Variants in RBM26 observed in about 807,000 individuals in gnomAD.
The protein encoded by RBM26 is RNA binding motif protein 26.
In RBM26, 30 loss-of-function variants were observed where a neutral mutation model predicts 123.6. The ratio of observed to expected loss-of-function variants is 0.24; its 90% CI spans 0.18 to 0.33. The LOEUF is 0.33. Ranked by LOEUF, RBM26 falls within the 10% of genes least tolerant of loss-of-function variation. The pLI, the probability that RBM26 is intolerant of heterozygous loss-of-function variation, is 1.00. For synonymous variants in RBM26, 400 were observed against 404.4 expected (o/e 0.99, Z 0.13); for missense variants, 947 against 1,203.6 (o/e 0.79, Z 3.15).
intron 20 of RBM26, among the ~76,000 whole-genome samples, chr13:79,329,411 A>G (rs1340522856): frequency 1.3e-5 from 2 of 152,056 alleles, no homozygotes; most frequent in African/African-American, 4.8e-5. Flanking sequence ...TAACATACTT[A>G]ATAGTAATGC....
At chr13:79,386,794 C>G (rs1036844850) in intron 1 of RBM26, among the ~76,000 whole-genome samples, 1 of 151,830 alleles carries the variant, frequency 6.6e-6, no homozygotes, top group South Asian at 2.1e-4. Context: ...ACCCATCCCT[C>G]TGGTTACTAA....
downstream of RBM26, among the ~76,000 whole-genome samples, chr13:79,316,224 TG>T (rs1243134799): frequency 6.7e-6 from 1 of 149,080 alleles, no homozygotes; most frequent in Non-Finnish European, 1.5e-5. Context: ...TGTGTGTGTG[TG>T]TGTGTGTTGG....
intron 1 of RBM26, among the ~76,000 whole-genome samples, chr13:79,396,868 A>C (rs547295560): frequency 6.6e-5 from 10 of 152,250 alleles, no homozygotes; most frequent in Non-Finnish European, 1.3e-4. Context: ...GAAAATCTGT[A>C]TGATCGTCTC....
chr13:79,319,728 T>A lies in RBM26; in HGVS notation c.*893A>T. ...TTTTAAGACATTTGTTGAAAATTTATAGGATCAAACCAAACTCAAGTGGTA... is the reference window on the plus strand; with the variant it reads ...TTTTAAGACATTTGTTGAAAATTTAAAGGATCAAACCAAACTCAAGTGGTA... On this transcript the variant is annotated 3_prime_UTR_variant, in exon 22 of 22. Transcript: ENST00000438737. 1 of 983,768 alleles carries A rather than the reference T, an allele frequency of 1.0e-6. No individual in the cohort carries two copies. Among genetic ancestry groups the A allele is most frequent in the Non-Finnish European group, 1.2e-6 (1 of 828,712 alleles). 60.9% of individuals were successfully genotyped at this position (983,768 alleles called of 1,614,324 possible).
At chr13:79,393,961 G>A (rs575111769) in intron 1 of RBM26, among the ~76,000 whole-genome samples, 41 of 152,114 alleles carry the variant, frequency 2.7e-4, no homozygotes, top group Non-Finnish European at 4.7e-4. Context: ...TCACCTTGGG[G>A]GCAAGTCTGC....
intron 3 of RBM26, among the ~76,000 whole-genome samples, chr13:79,375,023 TATATTTTATA>T (rs2076510789): frequency 1.7e-5 from 2 of 119,072 alleles, no homozygotes; most frequent in African/African-American, 5.3e-5. Context: ...ATATATTATA[TATATTTTATA>T]CATTTTTTAT....
chr13:79,330,538 A>C (rs1266503549), intron 20 of RBM26, among the ~76,000 whole-genome samples: 2 of 152,160 alleles, frequency 1.3e-5, no homozygotes, highest in Non-Finnish European at 2.9e-5. Flanking sequence ...TTTTGCAAAA[A>C]CTACAGAGAA....
chr13:79,321,329 T>C (rs2067646080), intron 21 of RBM26, among the ~76,000 whole-genome samples: 1 of 151,410 alleles, frequency 6.6e-6, no homozygotes, highest in Admixed American at 6.6e-5. Flanking sequence ...AAATCATGTA[T>C]ATGAGTTTCA....
exon 5 of RBM26, chr13:79,311,957 T>C (rs1489692580): frequency 6.6e-6 from 1 of 152,086 alleles, no homozygotes; most frequent in East Asian, 1.9e-4. Context: ...TTTAACACTA[T>C]AAACATTCTA....
chr13:79,334,330 T>C lies in RBM26; in HGVS notation c.2820+14A>G. On this transcript the variant is annotated intron_variant, in intron 20 of 21. Coordinates refer to ENST00000438737, the MANE Select transcript of RBM26 (RefSeq NM_001366735.2). ...CATTTAAATCTGAATTGATAAATTA[T>C]TTTTAAAACTTACTGCTTCAGCTTC... The C allele has an allele frequency of 7.1e-7, 1 of 1,409,804 alleles. No individual in the cohort carries two copies. The highest frequency in any genetic ancestry group is 1.3e-5 in the South Asian group (1 of 75,668). 87.3% of individuals were successfully genotyped at this position (1,409,804 alleles called of 1,614,324 possible). A position where few individuals can be genotyped will look rare whatever the true frequency, so the allele number is the denominator to read the frequency against.
At chr13:79,315,022 A>T, downstream of RBM26, 7 of 1,271,698 alleles carry the variant, frequency 5.5e-6, no homozygotes, top group East Asian at 5.6e-5. Context: ...ATTAAAAAAA[A>T]CTTTGAAAAT....
intron 14 of RBM26, among the ~76,000 whole-genome samples, chr13:79,346,539 A>G (rs890271004): frequency 3.9e-5 from 6 of 151,982 alleles, no homozygotes; most frequent in African/African-American, 1.4e-4. Flanking sequence ...CACCCGGCTA[A>G]TGTTTTGTAT....
intron 1 of RBM26, among the ~76,000 whole-genome samples, chr13:79,392,112 TAATTATATAATTATA>T (rs2078094826): frequency 1.4e-5 from 1 of 69,462 alleles, no homozygotes; most frequent in Non-Finnish European, 4.4e-5. Flanking sequence ...ATACAATACA[TAATTATATAATTATA>T]TATTATACAA....
chr13:79,376,878 C>G (rs530229669), intron 3 of RBM26: 3 of 152,546 alleles, frequency 2.0e-5, no homozygotes, highest in Non-Finnish European at 4.4e-5. Context: ...CCCATTACCC[C>G]CTGATAAGGA....
At chr13:79,364,522 TA>T (rs2075051582) in intron 9 of RBM26, among the ~76,000 whole-genome samples, 1 of 152,224 alleles carries the variant, frequency 6.6e-6, no homozygotes, top group South Asian at 2.1e-4. Flanking sequence ...GGGAAAAAGA[TA>T]TATTTTTTGT....
chr13:79,364,584 A>G (rs1254953161), intron 9 of RBM26, among the ~76,000 whole-genome samples: 3 of 152,194 alleles, frequency 2.0e-5, no homozygotes, highest in Non-Finnish European at 4.4e-5. Flanking sequence ...ATTTCCCTAT[A>G]TCAAATGTGA....
In RBM26 at chr13:79,371,055, C is replaced by T. The variant is rs1307109321; in HGVS notation, c.524G>A (p.Arg175Gln). 12 of 1,613,884 alleles carry T rather than the reference C, an allele frequency of 7.4e-6. No individual in the cohort carries two copies. The highest frequency in any genetic ancestry group is 1.0e-5 in the Non-Finnish European group (12 of 1,179,788). The change falls in exon 5 of 22, where the codon CGG becomes CAG. Residue 175 changes from arginine to glutamine, a missense_variant. Around this residue, in one of 5 missense-constraint regions of RBM26, gnomAD observed 275 missense variants for 361.0 expected, o/e 0.76. Transcript: ENST00000438737. ...YRDRYNRRRG[R>Q]SRSYSRSRSR... ...TCGACTCCTGCTATAACTGCGACTC[C>T]GCCCTCGTCTTCTATTGTACCGGTC...
intron 9 of RBM26, among the ~76,000 whole-genome samples, chr13:79,365,119 G>A (rs1594356767): frequency 1.3e-5 from 2 of 152,124 alleles, no homozygotes; most frequent in African/African-American, 2.4e-5. Flanking sequence ...TTTCTCCAAC[G>A]GGGGAACGAA....
chr13:79,319,803 T>C lies in RBM26; in HGVS notation c.*818A>G. 12 of 978,458 alleles carry C rather than the reference T, an allele frequency of 1.2e-5. No individual in the cohort carries two copies. Among genetic ancestry groups the C allele is most frequent in the Non-Finnish European group, 1.3e-5 (11 of 823,928 alleles). The allele number at this position is 978,458 out of a possible 1,614,324, so 60.6% of individuals were successfully genotyped here. A position where few individuals can be genotyped will look rare whatever the true frequency, so the allele number is the denominator to read the frequency against. ...ATTATTGTAAGGGTACCAGTAACCATTATTATTAAGAATAAGTTAGTGATT... is the reference window on the plus strand; with the variant it reads ...ATTATTGTAAGGGTACCAGTAACCACTATTATTAAGAATAAGTTAGTGATT... On this transcript the variant is annotated 3_prime_UTR_variant, in exon 22 of 22. Coordinates refer to ENST00000438737, the MANE Select transcript of RBM26 (RefSeq NM_001366735.2).
Sources: allele counts gnomAD v4.1 joint callset (sites outside exome capture counted in the v4.1 genomes callset), GRCh38; gene constraint gnomAD v4.1.1; regional missense constraint gnomAD v4.1.1; transcripts MANE v1.5; gene names NCBI Gene and HGNC (gene_info 2026-07-23, HGNC 2026-07-21).